The following COPG2 variants were observed in gnomAD, a reference collection of about 807,000 sequenced individuals.
The protein encoded by COPG2 is coatomer subunit gamma-2.
COPG2 carries 37 observed loss-of-function variants against 46.3 expected under a neutral mutation model. The observed-to-expected ratio is 0.80, with a 90% CI of 0.61 to 1.05. COPG2 has a LOEUF of 1.05. Ranked by LOEUF, COPG2 falls within the 50% of genes least tolerant of loss-of-function variation. The probability of loss-of-function intolerance (pLI) is 0.00; values close to 1 mark genes in which losing one functional copy is unlikely to be tolerated. For synonymous variants in COPG2, 159 were observed against 129.7 expected (o/e 1.23, Z -1.53); for missense variants, 427 against 387.8 (o/e 1.10, Z -0.85).
chr7:130,571,695 T>TA (rs781874823), intron 9 of COPG2, among the ~76,000 whole-genome samples: 1 of 152,092 alleles, frequency 6.6e-6, no homozygotes, highest in Non-Finnish European at 1.5e-5. Context: ...CACTACTGGG[T>TA]ATCTACCCAG....
intron 9 of COPG2, among the ~76,000 whole-genome samples, chr7:130,564,847 T>C (rs1265822680): frequency 2.6e-5 from 4 of 152,130 alleles, no homozygotes; most frequent in Non-Finnish European, 4.4e-5. Flanking sequence ...CTGGTGCTCC[T>C]AGAAAAGCCC....
intron 9 of COPG2, chr7:130,605,800 G>T (rs782816618): frequency 1.9e-6 from 1 of 519,490 alleles, no homozygotes; most frequent in Middle Eastern, 3.2e-4. Context: ...GCCCCATGAG[G>T]CCTGTGTCAG....
chr7:130,520,672 A>G (rs1799716448), intron 20 of COPG2, among the ~76,000 whole-genome samples: 1 of 152,220 alleles, frequency 6.6e-6, no homozygotes, highest in African/African-American at 2.4e-5. Flanking sequence ...AGGATGTTAA[A>G]TGTGTTATGC....
At chr7:130,668,461 A>C (rs1291831988) in intron 1 of COPG2, among the ~76,000 whole-genome samples, 171 bp downstream of exon 1, 1 of 148,776 alleles carries the variant, frequency 6.7e-6, no homozygotes, top group Non-Finnish European at 1.5e-5. Flanking sequence ...GGGAGGGGCT[A>C]CGGGCAGGCC....
chr7:130,591,774 A>C (rs1370699139), intron 9 of COPG2, among the ~76,000 whole-genome samples: 23 of 131,940 alleles, frequency 1.7e-4, no homozygotes, highest in Admixed American at 1.7e-3. Flanking sequence ...CCGGGAGGGA[A>C]GTGGAGGGGT....
At chr7:130,668,244 C>T (rs1554461764) in intron 1 of COPG2, among the ~76,000 whole-genome samples, 1 of 152,146 alleles carries the variant, frequency 6.6e-6, no homozygotes, top group African/African-American at 2.4e-5. Flanking sequence ...CGACCCCAGC[C>T]CCGGGAACAG....
At chr7:130,646,999 GTATATATATATGTATATATATATA>G (rs1795620351) in intron 5 of COPG2, among the ~76,000 whole-genome samples, 1 of 38,204 alleles carries the variant, frequency 2.6e-5, no homozygotes, top group Non-Finnish European at 8.1e-5. Context: ...ATATATATGT[GTATATATATATGTATATATATATA>G]TGTGTATATA....
intron 9 of COPG2, among the ~76,000 whole-genome samples, chr7:130,599,642 GA>G (rs1258795762): frequency 2.8e-5 from 4 of 144,448 alleles, no homozygotes; most frequent in African/African-American, 5.1e-5. Flanking sequence ...TTCACTAGAA[GA>G]AAAAAAAAAG....
chr7:130,546,538 A>G (rs1276264693), intron 20 of COPG2, among the ~76,000 whole-genome samples: 1 of 152,188 alleles, frequency 6.6e-6, no homozygotes, highest in East Asian at 1.9e-4. Flanking sequence ...TTATGGATCC[A>G]GGGTGGCTAA....
chr7:130,538,892 T>G (rs2116368225), intron 20 of COPG2, among the ~76,000 whole-genome samples: 1 of 151,924 alleles, frequency 6.6e-6, no homozygotes, highest in African/African-American at 2.4e-5. Flanking sequence ...TGCAGTGAAG[T>G]AGGAAGCGGG....
intron 20 of COPG2, among the ~76,000 whole-genome samples, chr7:130,514,454 T>TA (rs1799660571): frequency 1.3e-5 from 2 of 152,200 alleles, no homozygotes; most frequent in South Asian, 4.1e-4. Context: ...AGTGCGGTAT[T>TA]AAAGTTACTC....
chr7:130,613,270 G>C (rs894518770), intron 7 of COPG2, among the ~76,000 whole-genome samples: 1 of 152,250 alleles, frequency 6.6e-6, no homozygotes, highest in African/African-American at 2.4e-5. Flanking sequence ...CACTGCTGCT[G>C]GTCTGGCAGG....
intron 9 of COPG2, among the ~76,000 whole-genome samples, chr7:130,586,020 T>C (rs982695664): frequency 1.3e-5 from 2 of 151,588 alleles, no homozygotes; most frequent in African/African-American, 2.4e-5. Context: ...TTCACACACA[T>C]GTTTATAGCA....
intron 5 of COPG2, among the ~76,000 whole-genome samples, chr7:130,647,244 C>T (rs782800591): frequency 6.6e-5 from 10 of 151,908 alleles, no homozygotes; most frequent in Non-Finnish European, 1.5e-4. Flanking sequence ...CCATGTTGGC[C>T]AGGCTGGTCT....
intron 5 of COPG2, among the ~76,000 whole-genome samples, chr7:130,632,521 A>G (rs1302370828): frequency 6.6e-6 from 1 of 151,968 alleles, no homozygotes; most frequent in Admixed American, 6.6e-5. Context: ...TTATTTTCTC[A>G]AATTTTTTTT....
intron 9 of COPG2, among the ~76,000 whole-genome samples, chr7:130,574,113 A>C (rs1793962916): frequency 6.6e-6 from 1 of 152,216 alleles, no homozygotes; most frequent in South Asian, 2.1e-4. Context: ...TCAACTAATG[A>C]AAAAACCAAG....
chr7:130,564,589 T>G (rs1793773165), intron 9 of COPG2, 196 bp from the exon 10 acceptor site: 1 of 385,330 alleles, frequency 2.6e-6, no homozygotes, highest in Admixed American at 4.5e-5. Context: ...TCTAAAAAAT[T>G]AATCAAAGAT....
rs781931046 is a variant in COPG2, at chr7:130,509,253, C to T, written c.2150-594G>A. ...AAAGTCAGTGTCTTAAATGGAAAAG[C>T]AAGTGGGCAGTTGTATGTTTTCACA... On this transcript the variant is annotated intron_variant, in intron 20 of 23. Coordinates refer to ENST00000425248, the MANE Select transcript of COPG2 (RefSeq NM_012133.6). The T allele has an allele frequency of 1.2e-5, 6 of 510,788 alleles. No homozygotes were observed. In the Admixed American group the frequency reaches 1.2e-4, roughly 10 times the overall value. The allele number at this position is 510,788 out of a possible 1,614,324, so 31.6% of individuals were successfully genotyped here. A position where few individuals can be genotyped will look rare whatever the true frequency, so the allele number is the denominator to read the frequency against.
chr7:130,542,703 C>A (rs1584968061), intron 20 of COPG2, among the ~76,000 whole-genome samples: 1 of 152,164 alleles, frequency 6.6e-6, no homozygotes, highest in Admixed American at 6.5e-5. Flanking sequence ...ATGAGAGAGT[C>A]TGGCAGCCAT....
Sources: gnomAD v4.1 joint callset for allele counts (sites outside exome capture counted in the v4.1 genomes callset) on GRCh38, gnomAD v4.1.1 for gene constraint, MANE v1.5 for transcripts, NCBI Gene and HGNC (gene_info 2026-07-23, HGNC 2026-07-21) for gene names.